Variants in STK31 observed in about 807,000 individuals in gnomAD.
The protein encoded by STK31 is serine/threonine-protein kinase 31.
In STK31, 89 loss-of-function variants were observed where a neutral mutation model predicts 129.7. That is an observed-to-expected ratio of 0.69 (90% CI 0.58 to 0.82). STK31 has a LOEUF of 0.82. Ranked by LOEUF, STK31 falls within the 40% of genes least tolerant of loss-of-function variation. STK31 has a pLI of 0.00. For synonymous variants in STK31, 448 were observed against 395.3 expected (o/e 1.13, Z -1.58); for missense variants, 1,187 against 1,176.4 (o/e 1.01, Z -0.13).
intron 22 of STK31, among the ~76,000 whole-genome samples, chr7:23,809,733 A>G (rs528409177): frequency 9.2e-5 from 14 of 152,340 alleles, no homozygotes; most frequent in Middle Eastern, 3.4e-3. Context: ...CCAGTCTTCT[A>G]TCTTTGCCTC....
intron 15 of STK31, among the ~76,000 whole-genome samples, chr7:23,773,143 C>T (rs544699940): frequency 1.3e-4 from 20 of 152,160 alleles, no homozygotes; most frequent in African/African-American, 4.8e-4. Flanking sequence ...TTGCTGCACC[C>T]ATCAACCCGT....
intron 15 of STK31, among the ~76,000 whole-genome samples, chr7:23,774,889 C>T (rs903204059): frequency 6.6e-6 from 1 of 152,168 alleles, no homozygotes; most frequent in Non-Finnish European, 1.5e-5. Flanking sequence ...AGGTTTTCTT[C>T]TAGAGTTGTT....
chr7:23,811,467 T>C lies in STK31; in HGVS notation c.2761-3677T>C, dbSNP rs140141019. On this transcript the variant is annotated intron_variant, in intron 22 of 23. Transcript: ENST00000355870. ...ACAATATCAATACCAGTGATTACTG[T>C]GCTTTCAGTACCTTCACCCTTGGGT... is the stretch of plus-strand genomic sequence containing the variant. The C allele has an allele frequency of 6.0e-3, 1,914 of 317,880 alleles. 11 individuals carry two copies. The highest frequency in any genetic ancestry group is 0.019 in the Middle Eastern group (21 of 1,104). 19.7% of individuals were successfully genotyped at this position (317,880 alleles called of 1,614,324 possible).
intron 15 of STK31, among the ~76,000 whole-genome samples, chr7:23,777,529 A>G (rs906599400): frequency 6.6e-6 from 1 of 152,160 alleles, no homozygotes; most frequent in Admixed American, 6.5e-5. Flanking sequence ...GGGTGCATAT[A>G]TATTTAAGAC....
rs553322683 is a variant in STK31, at chr7:23,735,754, A to G, written c.700A>G (p.Arg234Gly). ...KKLDPGQLVL[R>G]NLKSPIPLWG... ...ATTGGATCCTGGTCAACTTGTTCTC[A>G]GGAACCTCAAAAGCCCCATTCCTTT... The change falls in exon 7 of 24, where the codon AGG (arginine) becomes GGG (glycine). Residue 234 changes from arginine (R) to glycine (G), a missense_variant. Coordinates refer to ENST00000355870, the MANE Select transcript of STK31 (RefSeq NM_031414.5). The G allele has an allele frequency of 6.2e-7, 1 of 1,614,170 alleles. No individual in the cohort carries two copies. Among genetic ancestry groups the G allele is most frequent in the African/African-American group, 1.3e-5 (1 of 75,060 alleles).
intron 23 of STK31, among the ~76,000 whole-genome samples, chr7:23,820,941 T>C (rs1344538154): frequency 2.0e-5 from 3 of 152,246 alleles, no homozygotes; most frequent in Non-Finnish European, 4.4e-5. Flanking sequence ...TGTCCATTGA[T>C]GGACGCTTAG....
chr7:23,825,963 C>T (rs1276280968), intron 23 of STK31, among the ~76,000 whole-genome samples: 1 of 152,110 alleles, frequency 6.6e-6, no homozygotes, highest in Non-Finnish European at 1.5e-5. Context: ...GTCTGAGAGA[C>T]AGTTTGTTAT....
At position 23,811,380 on chromosome 7, in the gene STK31, C is replaced by A. The variant is rs1042284928; in HGVS notation, c.2761-3764C>A. 5.8e-5 allele frequency: 20 copies of A among 346,716 alleles called. No individual in the cohort carries two copies. The Admixed American group carries it at 6.6e-4, about 11-fold the overall frequency. 21.5% of individuals were successfully genotyped at this position (346,716 alleles called of 1,614,324 possible). A position where few individuals can be genotyped will look rare whatever the true frequency, so the allele number is the denominator to read the frequency against. On this transcript the variant is annotated intron_variant, in intron 22 of 23. Coordinates refer to ENST00000355870, the MANE Select transcript of STK31 (RefSeq NM_031414.5). The stretch of plus-strand genomic sequence containing the variant: ...TTGCCTTTGATTGATTTAATGTAAT[C>A]TTTCATATACATCTTGTAGGCTTCT...
chr7:23,721,014 C>G (rs1701420170), intron 4 of STK31, among the ~76,000 whole-genome samples: 1 of 152,142 alleles, frequency 6.6e-6, no homozygotes, highest in African/African-American at 2.4e-5. Context: ...CTTACCACTA[C>G]AAATCTGTAA....
At chr7:23,817,410 A>C (rs1317954939) in intron 23 of STK31, among the ~76,000 whole-genome samples, 1 of 120,990 alleles carries the variant, frequency 8.3e-6, no homozygotes, top group African/African-American at 2.8e-5. Flanking sequence ...AGTAATAAGC[A>C]AGTTCAAATT....
At chr7:23,818,481 G>T (rs1314588518) in intron 23 of STK31, among the ~76,000 whole-genome samples, 2 of 151,732 alleles carry the variant, frequency 1.3e-5, no homozygotes, top group Non-Finnish European at 2.9e-5. Context: ...TATGTACAGG[G>T]GTATATTTTT....
intron 8 of STK31, among the ~76,000 whole-genome samples, chr7:23,741,417 T>G (rs184033468): frequency 6.6e-6 from 1 of 152,298 alleles, no homozygotes; most frequent in East Asian, 1.9e-4. Context: ...CATTTACATA[T>G]AGTAAAAATG....
chr7:23,785,026 T>C (rs1791179581), intron 17 of STK31, among the ~76,000 whole-genome samples: 1 of 152,214 alleles, frequency 6.6e-6, no homozygotes, highest in Non-Finnish European at 1.5e-5. Flanking sequence ...ACAGGTGTTT[T>C]GTGGTTACAT....
In STK31 at chr7:23,730,883, T is replaced by A. The variant is rs1282723086; in HGVS notation, c.483+1634T>A. ...ATATATATATATATATATATATTTTTTTTTTTTTTTTTTGGTTGGGGGTTG... is the reference window on the plus strand; with the variant it reads ...ATATATATATATATATATATATTTTATTTTTTTTTTTTTGGTTGGGGGTTG... On this transcript the variant is annotated intron_variant, in intron 6 of 23. Coordinates refer to ENST00000355870, the MANE Select transcript of STK31 (RefSeq NM_031414.5). 1.6e-3 allele frequency among the ~76,000 whole-genome samples: 202 copies of A among 122,620 alleles called. 1 individual carries two copies. Among genetic ancestry groups the A allele is most frequent in the East Asian group, 2.6e-3 (11 of 4,292 alleles). 80.4% of individuals were successfully genotyped at this position (122,620 alleles called of 152,430 possible). A position where few individuals can be genotyped will look rare whatever the true frequency, so the allele number is the denominator to read the frequency against.
Position 23,735,801 on chromosome 7 carries a change from G to A in STK31, c.747G>A (p.Gln249=). The A allele has an allele frequency of 1.2e-6, 2 of 1,614,140 alleles. No homozygotes were observed. Among genetic ancestry groups the A allele is most frequent in the South Asian group, 2.2e-5 (2 of 91,064 alleles). Residue 249 remains glutamine (Q), a synonymous_variant, in exon 7 of 24, where the codon CAG becomes CAA. Transcript: ENST00000355870. The part of the protein sequence containing the change: ...PIPLWGHRSN[Q]STFSRPKGHL... ...CTTTGTGGGGGCATAGATCAAACCA[G>A]TCAACCTTCAGCAGGCCCAAGGGGC...
At position 23,782,238 on chromosome 7, in the gene STK31, C is replaced by T. The variant is rs975034087; in HGVS notation, c.2067+718C>T. Among the ~76,000 whole-genome samples, 14 of 151,790 alleles carry T rather than the reference C, an allele frequency of 9.2e-5. No individual in the cohort carries two copies. In the South Asian group the frequency reaches 1.7e-3, roughly 18 times the overall value. ...CTGTAGTCCCAGCACTTTGGGAGGCCGAGGCGGGCGGATCACTTGAGCCCG... is the reference window on the plus strand; with the variant it reads ...CTGTAGTCCCAGCACTTTGGGAGGCTGAGGCGGGCGGATCACTTGAGCCCG... On this transcript the variant is annotated intron_variant, in intron 16 of 23. Coordinates refer to ENST00000355870, the MANE Select transcript of STK31 (RefSeq NM_031414.5).
At chr7:23,723,188 G>C (rs986781722) in intron 4 of STK31, among the ~76,000 whole-genome samples, 1 of 152,144 alleles carries the variant, frequency 6.6e-6, no homozygotes, top group Non-Finnish European at 1.5e-5. Flanking sequence ...TTCCTATTCG[G>C]CCATCTTGGA....
chr7:23,787,048 C>T (rs1791329230), intron 20 of STK31, 124 bp downstream of exon 20: 1 of 837,880 alleles, frequency 1.2e-6, no homozygotes. Flanking sequence ...TTCTATTTGT[C>T]ACCTCAAGCC....
chr7:23,792,159 AT>A (rs1791659457), intron 22 of STK31, among the ~76,000 whole-genome samples: 20 of 152,226 alleles, frequency 1.3e-4, no homozygotes, highest in Admixed American at 1.3e-3. Flanking sequence ...AAAAAAAGAA[AT>A]AAAAGTCATA....
Sources: gnomAD v4.1 joint callset for allele counts (sites outside exome capture counted in the v4.1 genomes callset) on GRCh38, gnomAD v4.1.1 for gene constraint, MANE v1.5 for transcripts, NCBI Gene and HGNC (gene_info 2026-07-23, HGNC 2026-07-21) for gene names.